ANKRD6: variants seen among roughly 807,000 people sequenced by gnomAD.
ANKRD6 encodes the protein ankyrin repeat domain-containing protein 6.
ANKRD6 carries 56 observed loss-of-function variants against 82.3 expected under a neutral mutation model. The ratio of observed to expected loss-of-function variants is 0.68; its 90% CI spans 0.55 to 0.85. ANKRD6 has a LOEUF of 0.85. Ranked by LOEUF, ANKRD6 falls within the 40% of genes least tolerant of loss-of-function variation. The pLI is 0.00. For synonymous variants in ANKRD6, 347 were observed against 352.1 expected (o/e 0.99, Z 0.16); for missense variants, 852 against 907.6 (o/e 0.94, Z 0.79).
chr6:89,512,348 A>G (rs377313386), intron 1 of ANKRD6, among the ~76,000 whole-genome samples: 8 of 152,348 alleles, frequency 5.3e-5, no homozygotes, highest in Admixed American at 3.3e-4. Context: ...TGAACAAAGG[A>G]AAGTTTGCAG....
chr6:89,456,365 T>C (rs1211584199), intron 1 of ANKRD6, among the ~76,000 whole-genome samples: 1 of 152,154 alleles, frequency 6.6e-6, no homozygotes, highest in African/African-American at 2.4e-5. Context: ...ACATAAACAA[T>C]AGCAGTTTAT....
At chr6:89,488,360 G>A (rs1394355232) in intron 1 of ANKRD6, among the ~76,000 whole-genome samples, 3 of 152,188 alleles carry the variant, frequency 2.0e-5, no homozygotes, top group African/African-American at 7.2e-5. Context: ...TGAGGCAGGA[G>A]GATTGCTTGA....
chr6:89,529,695 A>G (rs1782911212), intron 1 of ANKRD6, among the ~76,000 whole-genome samples: 1 of 152,182 alleles, frequency 6.6e-6, no homozygotes, highest in Non-Finnish European at 1.5e-5. Context: ...AAAGTGAGAG[A>G]CATGAAACTT....
intron 2 of ANKRD6, among the ~76,000 whole-genome samples, chr6:89,575,007 G>A (rs78069026): frequency 0.013 from 1,962 of 152,292 alleles, 21 homozygotes; most frequent in Non-Finnish European, 0.02. Flanking sequence ...TAGCCATGTA[G>A]AAATATGATT....
rs1283772835 is a variant in ANKRD6, at chr6:89,446,333, C to A, written c.-144+12958C>A. Among the ~76,000 whole-genome samples, 4 of 151,956 alleles carry A rather than the reference C, an allele frequency of 2.6e-5. No homozygotes were observed. The East Asian group carries it at 7.7e-4, about 29-fold the overall frequency. On this transcript the variant is annotated intron_variant, in intron 1 of 15. Coordinates refer to ENST00000339746, the MANE Select transcript of ANKRD6 (RefSeq NM_001242809.2). ...TGCCATTGCACTCCAGCCTGGGCAACAAGGGCGAAACTTTGTCTCTAAATA... is the reference window on the plus strand; with the variant it reads ...TGCCATTGCACTCCAGCCTGGGCAAAAAGGGCGAAACTTTGTCTCTAAATA...
At chr6:89,568,879 T>G (rs1336657482) in intron 2 of ANKRD6, among the ~76,000 whole-genome samples, 1 of 151,840 alleles carries the variant, frequency 6.6e-6, no homozygotes. Context: ...TATAAGCACA[T>G]TCAAATATTA....
Position 89,633,792 on chromosome 6 carries a change from C to T in ANKRD6, c.*2788C>T, listed in dbSNP as rs1177508655. 1 of 152,130 alleles carries T rather than the reference C, an allele frequency of 6.6e-6. No individual in the cohort carries two copies. Among genetic ancestry groups the T allele is most frequent in the Non-Finnish European group, 1.5e-5 (1 of 68,028 alleles). The allele number at this position is 152,130 out of a possible 1,614,324, so 9.4% of individuals were successfully genotyped here. On this transcript the variant is annotated 3_prime_UTR_variant, in exon 16 of 16. Transcript: ENST00000339746. The stretch of plus-strand genomic sequence containing the variant: ...GTGTCTCTTCCAAGCATTAAAGATA[C>T]TATGGATCTTAAATTCCTTATTAAA...
intron 1 of ANKRD6, among the ~76,000 whole-genome samples, chr6:89,563,908 C>T (rs745395369): frequency 2.6e-5 from 4 of 151,982 alleles, no homozygotes; most frequent in Non-Finnish European, 5.9e-5. Context: ...TTGGCCTGCA[C>T]CTGGTATCTC....
At chr6:89,461,548 T>A (rs1774141754) in intron 1 of ANKRD6, among the ~76,000 whole-genome samples, 1 of 152,198 alleles carries the variant, frequency 6.6e-6, no homozygotes, top group African/African-American at 2.4e-5. Flanking sequence ...AATTTAGAAT[T>A]CAGTTTTTTT....
chr6:89,566,946 C>T lies in ANKRD6; in HGVS notation c.-31C>T, dbSNP rs547428281. 17 of 1,556,486 alleles carry T rather than the reference C, an allele frequency of 1.1e-5. No individual in the cohort carries two copies. Among genetic ancestry groups the T allele is most frequent in the African/African-American group, 4.1e-5 (3 of 73,544 alleles). On this transcript the variant is annotated 5_prime_UTR_variant, in exon 2 of 16. Coordinates refer to ENST00000339746, the MANE Select transcript of ANKRD6 (RefSeq NM_001242809.2). ...TGTTGAGCTGAAGGAACTTGTCTAC[C>T]GCTTCCCTGAAAACCTTTCTTTCCT...
chr6:89,628,113 G>C (rs1806308603), intron 14 of ANKRD6: 1 of 174,684 alleles, frequency 5.7e-6, no homozygotes, highest in Non-Finnish European at 1.2e-5. Flanking sequence ...ACTTGGTTTG[G>C]AAGATTTGGG....
At chr6:89,442,086 C>T (rs1163081674) in intron 1 of ANKRD6, among the ~76,000 whole-genome samples, 1 of 152,056 alleles carries the variant, frequency 6.6e-6, no homozygotes, top group Non-Finnish European at 1.5e-5. Flanking sequence ...GCCTCTGCCT[C>T]CCAGGTTCAA....
At chr6:89,557,132 G>C (rs1056570137) in intron 1 of ANKRD6, among the ~76,000 whole-genome samples, 20 of 152,172 alleles carry the variant, frequency 1.3e-4, no homozygotes, top group African/African-American at 4.8e-4. Context: ...TGGGAGGAAG[G>C]ATGGTGATTT....
In ANKRD6 at chr6:89,513,563, A is replaced by C. The variant is rs188936859; in HGVS notation, c.-143-53271A>C. On this transcript the variant is annotated intron_variant, in intron 1 of 15. Transcript: ENST00000339746. Reference sequence around the variant, plus strand: ...AAATAGTAATAGTTTATTGATTTACATTCTTATGTAGTATGAACATATATC... The same window carrying C: ...AAATAGTAATAGTTTATTGATTTACCTTCTTATGTAGTATGAACATATATC... Among the ~76,000 whole-genome samples, 10 of 152,366 alleles carry C rather than the reference A, an allele frequency of 6.6e-5. No homozygotes were observed. The East Asian group carries it at 1.9e-3, about 29-fold the overall frequency.
At chr6:89,455,696 C>T (rs1448379860) in intron 1 of ANKRD6, among the ~76,000 whole-genome samples, 2 of 152,080 alleles carry the variant, frequency 1.3e-5, no homozygotes, top group African/African-American at 4.8e-5. Flanking sequence ...CTCTCTCTTC[C>T]TCCTGCTCTG....
chr6:89,524,879 C>A (rs928911949), intron 1 of ANKRD6, among the ~76,000 whole-genome samples: 1 of 151,846 alleles, frequency 6.6e-6, no homozygotes, highest in Non-Finnish European at 1.5e-5. Context: ...ACATCCATGC[C>A]AACATCTATT....
At chr6:89,496,099 A>C (rs1299409251) in intron 1 of ANKRD6, among the ~76,000 whole-genome samples, 1 of 152,046 alleles carries the variant, frequency 6.6e-6, no homozygotes, top group Non-Finnish European at 1.5e-5. Context: ...CCATCTACAA[A>C]ATGAAGACTC....
At chr6:89,519,964 C>T (rs1189594610) in intron 1 of ANKRD6, among the ~76,000 whole-genome samples, 1 of 152,114 alleles carries the variant, frequency 6.6e-6, no homozygotes, top group Non-Finnish European at 1.5e-5. Flanking sequence ...TTATGAGACT[C>T]GATGGAAATT....
chr6:89,616,520 G>A (rs1801620878), intron 7 of ANKRD6, 39 bp from the exon 8 acceptor site: 1 of 1,596,638 alleles, frequency 6.3e-7, no homozygotes, highest in East Asian at 2.2e-5. Context: ...TGTAGGCCAT[G>A]AGCAGATGAG....
Sources: allele counts gnomAD v4.1 joint callset (sites outside exome capture counted in the v4.1 genomes callset), GRCh38; gene constraint gnomAD v4.1.1; transcripts MANE v1.5; gene names NCBI Gene and HGNC (gene_info 2026-07-23, HGNC 2026-07-21).